Variants in MARCHF1 observed in about 807,000 individuals in gnomAD.
MARCHF1 encodes membrane associated ring-CH-type finger 1.
A neutral mutation model predicts 54.2 loss-of-function variants in MARCHF1; 40 were observed. The ratio of observed to expected loss-of-function variants is 0.74; its 90% CI spans 0.57 to 0.96. The LOEUF (loss-of-function observed/expected upper bound fraction) is 0.96. Among genes scored for constraint, MARCHF1 ranks in the 40% least tolerant of loss-of-function variants. The probability of loss-of-function intolerance (pLI) is 0.00; values close to 1 mark genes in which losing one functional copy is unlikely to be tolerated. For missense variants in MARCHF1, 586 were observed against 656.5 expected (o/e 0.89, Z 1.17); for synonymous variants, 236 against 236.3 (o/e 1.00, Z 0.01).
At chr4:164,195,024 C>T (rs1436874396) in intron 1 of MARCHF1, among the ~76,000 whole-genome samples, 3 of 150,604 alleles carry the variant, frequency 2.0e-5, no homozygotes, top group African/African-American at 7.3e-5. Flanking sequence ...TCCGTATGTT[C>T]TCATTTTTCA....
chr4:164,383,107 C>A (rs1731424106), intron 1 of MARCHF1: 1 of 152,202 alleles, frequency 6.6e-6, no homozygotes, highest in African/African-American at 2.4e-5. Flanking sequence ...AAAACTTGGG[C>A]GTCTCTCTGC....
chr4:164,163,311 A>G (rs1384383349), intron 1 of MARCHF1, among the ~76,000 whole-genome samples: 2 of 152,048 alleles, frequency 1.3e-5, no homozygotes, highest in East Asian at 1.9e-4. Flanking sequence ...TAAAGACAGC[A>G]TACAAGTAAG....
rs1208285834 is a variant in MARCHF1 at position 163,524,861 on chromosome 4, C to A, written c.*3887G>T. 1 of 152,098 alleles carries A rather than the reference C, an allele frequency of 6.6e-6. No homozygotes were observed. The highest frequency in any genetic ancestry group is 1.5e-5 in the Non-Finnish European group (1 of 68,012). The allele number at this position is 152,098 out of a possible 1,614,324, so 9.4% of individuals were successfully genotyped here. A position where few individuals can be genotyped will look rare whatever the true frequency, so the allele number is the denominator to read the frequency against. ...ATGTAAAACCAAAATAGTACAAATG[C>A]CTAATTTCAAAAACTGCACACAGTT... is the stretch of plus-strand genomic sequence containing the variant. On this transcript the variant is annotated 3_prime_UTR_variant, in exon 10 of 10. Transcript: ENST00000514618.
intron 2 of MARCHF1, among the ~76,000 whole-genome samples, chr4:164,101,054 T>C (rs935482844): frequency 6.6e-6 from 1 of 152,184 alleles, no homozygotes; most frequent in Non-Finnish European, 1.5e-5. Context: ...GCTTTTCCAA[T>C]AGGCTTAAAA....
intron 1 of MARCHF1, among the ~76,000 whole-genome samples, chr4:164,312,404 G>A (rs1281964737): frequency 7.3e-6 from 1 of 137,066 alleles, no homozygotes; most frequent in African/African-American, 2.7e-5. Flanking sequence ...CTCACTGCAA[G>A]CTCCGCCTCC....
intron 1 of MARCHF1, chr4:164,196,866 T>C (rs902153593): frequency 2.3e-5 from 23 of 1,020,028 alleles, no homozygotes; most frequent in East Asian, 1.5e-4. Context: ...CACAGCAATG[T>C]TACAATCAGA....
At chr4:164,285,492 G>C (rs1374863114) in intron 1 of MARCHF1, among the ~76,000 whole-genome samples, 1 of 151,880 alleles carries the variant, frequency 6.6e-6, no homozygotes, top group African/African-American at 2.4e-5. Context: ...GCCCAGGCTG[G>C]AGTGCAGTGG....
chr4:164,023,507 G>T (rs1295100848), intron 2 of MARCHF1, among the ~76,000 whole-genome samples: 1 of 152,072 alleles, frequency 6.6e-6, no homozygotes, highest in East Asian at 1.9e-4. Flanking sequence ...CAAAGAGCAA[G>T]AATCTATAAA....
At chr4:164,240,467 C>A (rs989160252) in intron 1 of MARCHF1, among the ~76,000 whole-genome samples, 1 of 152,080 alleles carries the variant, frequency 6.6e-6, no homozygotes, top group Non-Finnish European at 1.5e-5. Context: ...ATCATTGGAC[C>A]TCTGCTCCCA....
intron 2 of MARCHF1, among the ~76,000 whole-genome samples, chr4:164,004,637 T>C (rs550899460): frequency 2.2e-4 from 33 of 152,158 alleles, no homozygotes; most frequent in African/African-American, 7.9e-4. Context: ...GAAATAATCA[T>C]GTATATATTT....
intron 4 of MARCHF1, among the ~76,000 whole-genome samples, chr4:163,722,738 ATAGT>A (rs910630341): frequency 4.5e-4 from 68 of 152,260 alleles, no homozygotes; most frequent in African/African-American, 1.6e-3. Context: ...TATATTTAAG[ATAGT>A]TAGCTCTTCT....
chr4:164,249,020 T>G (rs1460261141), intron 1 of MARCHF1, among the ~76,000 whole-genome samples: 1 of 152,096 alleles, frequency 6.6e-6, no homozygotes, highest in East Asian at 1.9e-4. Flanking sequence ...CAATTTCTGT[T>G]TACCAAAACT....
At chr4:164,322,147 T>A (rs1344530129) in intron 1 of MARCHF1, among the ~76,000 whole-genome samples, 1 of 152,040 alleles carries the variant, frequency 6.6e-6, no homozygotes, top group Non-Finnish European at 1.5e-5. Context: ...AAAATGGTTA[T>A]CTATGAAAGC....
At chr4:163,965,619 C>A (rs1752427764) in intron 3 of MARCHF1, among the ~76,000 whole-genome samples, 1 of 152,036 alleles carries the variant, frequency 6.6e-6, no homozygotes. Flanking sequence ...TACTACTGTA[C>A]ATGACATTTT....
intron 1 of MARCHF1, among the ~76,000 whole-genome samples, chr4:164,199,681 C>CACACACAGAGAGAGAGAG (rs1462208986): frequency 4.2e-5 from 2 of 47,656 alleles, no homozygotes; most frequent in African/African-American, 1.7e-4. Context: ...CACACACACA[C>CACACACAGAGAGAGAGAG]AGAGAGAGAG....
chr4:163,982,261 A>C (rs1752778299), intron 3 of MARCHF1, among the ~76,000 whole-genome samples: 2 of 152,232 alleles, frequency 1.3e-5, no homozygotes, highest in South Asian at 4.1e-4. Flanking sequence ...TTCTGAAGAA[A>C]TGAAAAAGAG....
chr4:164,099,770 C>T (rs572591846), intron 2 of MARCHF1, among the ~76,000 whole-genome samples: 1 of 152,102 alleles, frequency 6.6e-6, no homozygotes, highest in South Asian at 2.1e-4. Context: ...ATATTGTTCT[C>T]TGAGGTCATA....
intron 1 of MARCHF1, among the ~76,000 whole-genome samples, chr4:164,368,881 G>T (rs1406302281): frequency 6.6e-6 from 1 of 152,190 alleles, no homozygotes; most frequent in Non-Finnish European, 1.5e-5. Context: ...CTTACTGCAG[G>T]TTGGGGTCTC....
intron 1 of MARCHF1, among the ~76,000 whole-genome samples, chr4:164,274,213 T>C (rs1285278620): frequency 6.6e-6 from 1 of 152,230 alleles, no homozygotes; most frequent in Non-Finnish European, 1.5e-5. Flanking sequence ...TTTTCCTTGT[T>C]GGCGAGTAAG....
Sources: allele counts gnomAD v4.1 joint callset (sites outside exome capture counted in the v4.1 genomes callset), GRCh38; gene constraint gnomAD v4.1.1; transcripts MANE v1.5; gene names NCBI Gene and HGNC (gene_info 2026-07-23, HGNC 2026-07-21).